FAT2: variants seen among roughly 807,000 people sequenced by gnomAD.
FAT2 encodes the protein FAT atypical cadherin 2.
FAT2 carries 150 observed loss-of-function variants against 295.3 expected under a neutral mutation model. The observed-to-expected ratio is 0.51, with a 90% CI of 0.44 to 0.58. FAT2 has a LOEUF of 0.58. FAT2 is among the 20% of genes least tolerant of loss of function. The pLI is 0.00. For synonymous variants in FAT2, 2,026 were observed against 2,150.3 expected, an observed-to-expected ratio of 0.94 and a Z score of 1.60; for missense variants, 4,868 against 5,442.7, an observed-to-expected ratio of 0.89 and a Z score of 3.32.
In FAT2 at chr5:151,545,236, T is replaced by G. The variant is rs761954303; in HGVS notation, c.5891A>C (p.Lys1964Thr). Residue 1964 changes from lysine (K) to threonine (T), a missense_variant, in exon 10 of 24, where the codon AAA becomes ACA. Around this residue, in one of 5 missense-constraint regions of FAT2, gnomAD observed 3,297 missense variants for 3,669.4 expected, o/e 0.90. Coordinates refer to ENST00000261800, the MANE Select transcript of FAT2 (RefSeq NM_001447.3). Reference protein sequence around the residue: ...VKISLTQVLDKSLQFDQDVYW... With the variant: ...VKISLTQVLDTSLQFDQDVYW... ...GACATCCTGATCAAACTGCAAGCTT[T>G]TGTCAAGCACTTGGGTCAAAGAAAT... 1 of 1,614,186 alleles carries G rather than the reference T, an allele frequency of 6.2e-7. No individual in the cohort carries two copies. Among genetic ancestry groups the G allele is most frequent in the Non-Finnish European group, 8.5e-7 (1 of 1,180,030 alleles).
At position 151,507,400 on chromosome 5, in the gene FAT2, C is replaced by A; in HGVS notation, c.12271G>T (p.Val4091Phe). 1 of 1,614,214 alleles carries A rather than the reference C, an allele frequency of 6.2e-7. No homozygotes were observed. Reference sequence around the variant, plus strand: ...GGCATGGCTTGGGTGTCAACACCAACACTCCTGGCCAGGAGGTCTGGGTCC... The same window carrying A: ...GGCATGGCTTGGGTGTCAACACCAAAACTCCTGGCCAGGAGGTCTGGGTCC... ...MEDPDLLARS[V>F]GVDTQAMPAI... Residue 4091 changes from valine (V) to phenylalanine (F), a missense_variant, in exon 23 of 24, where the codon GTT becomes TTT. By Grantham distance (50) the Val-to-Phe change is conservative (BLOSUM62 -1). Transcript: ENST00000261800.
chr5:151,586,867 G>A (rs1759191602), intron 1 of FAT2, among the ~76,000 whole-genome samples: 2 of 152,192 alleles, frequency 1.3e-5, no homozygotes, highest in Non-Finnish European at 2.9e-5. Flanking sequence ...CAGGCTGGGC[G>A]CAGTGGCCCA....
chr5:151,542,909 A>G lies in FAT2; in HGVS notation c.8218T>C (p.Phe2740Leu), dbSNP rs1450407773. 1.9e-6 allele frequency: 3 copies of G among 1,614,168 alleles called. No individual in the cohort carries two copies. The highest frequency in any genetic ancestry group is 1.7e-6 in the Non-Finnish European group (2 of 1,180,036). ...TTPESNKDGV[F>L]SLDPDTGVIK... is the part of the protein sequence containing the mutation. ...ACCCCTGTGTCTGGGTCTAGGGAGA[A>G]GACACCATCCTTGTTGCTCTCAGGT... Residue 2740 changes from phenylalanine to leucine, a missense_variant, in exon 10 of 24, where the codon TTC (phenylalanine) becomes CTC (leucine). Physicochemically the swap from Phe to Leu is conservative, Grantham distance 22. Coordinates refer to ENST00000261800, the MANE Select transcript of FAT2 (RefSeq NM_001447.3).
chr5:151,536,978 C>G (rs1755381989), intron 12 of FAT2, among the ~76,000 whole-genome samples: 1 of 152,180 alleles, frequency 6.6e-6, no homozygotes, highest in Non-Finnish European at 1.5e-5. Context: ...TATAAATTCT[C>G]CTGCCTTGAG....
At chr5:151,583,086 T>C (rs190444269) in intron 1 of FAT2, among the ~76,000 whole-genome samples, 269 of 152,296 alleles carry the variant, frequency 1.8e-3, no homozygotes, top group African/African-American at 6.2e-3. Flanking sequence ...ATCTCCTAGA[T>C]AGAGACTGAA....
At chr5:151,535,715 G>C (rs1003496295) in intron 12 of FAT2, among the ~76,000 whole-genome samples, 1 of 152,218 alleles carries the variant, frequency 6.6e-6, no homozygotes, top group Non-Finnish European at 1.5e-5. Context: ...CTGGAGGCCT[G>C]GACTTGCAAC....
rs149882446 is a variant in FAT2, at chr5:151,549,384, G to A, written c.4700C>T (p.Thr1567Ile). Reference sequence around the variant, plus strand: ...CAGCAGCTCTGTGCCGGGGGCTATGGTGTCAGGAACACTTGCCTCATAATG... The same window carrying A: ...CAGCAGCTCTGTGCCGGGGGCTATGATGTCAGGAACACTTGCCTCATAATG... ...QLHYEASVPD[T>I]IAPGTELLQV... Residue 1567 changes from threonine (T) to isoleucine (I), a missense_variant, in exon 9 of 24, where the codon ACC becomes ATC. Around this residue, in one of 5 missense-constraint regions of FAT2, gnomAD observed 3,297 missense variants for 3,669.4 expected, o/e 0.90. Coordinates refer to ENST00000261800, the MANE Select transcript of FAT2 (RefSeq NM_001447.3). 1.2e-6 allele frequency: 2 copies of A among 1,614,008 alleles called. No individual in the cohort carries two copies. Among genetic ancestry groups the A allele is most frequent in the African/African-American group, 1.3e-5 (1 of 74,910 alleles).
chr5:151,549,187 C>T, intron 9 of FAT2, 108 bp downstream of exon 9: 1 of 1,015,728 alleles, frequency 9.8e-7, no homozygotes, highest in Non-Finnish European at 1.5e-6. Flanking sequence ...TTTGCCAAGG[C>T]TTAATGAGCT....
chr5:151,522,254 C>T (rs1241015565), intron 18 of FAT2, 168 bp from the exon 19 acceptor site: 1 of 569,860 alleles, frequency 1.8e-6, no homozygotes, highest in African/African-American at 1.9e-5. Flanking sequence ...TCCAAAAGCA[C>T]TGACAGAAAA....
chr5:151,550,736 C>T lies in FAT2; in HGVS notation c.4432G>A (p.Gly1478Ser), dbSNP rs757209077. ...TGTATGGTATAGATGAGGCTTTTGC[C>T]CTTGTCTTGATCTATGGCCTGGACT... Reference protein sequence around the residue: ...LRVQAIDQDKGKSLIYTIHGS... With the variant: ...LRVQAIDQDKSKSLIYTIHGS... Residue 1478 changes from glycine (G) to serine (S), a missense_variant, in exon 8 of 24, where the codon GGC becomes AGC. Gly to Ser is a moderately conservative substitution (Grantham distance 56, BLOSUM62 0). Transcript: ENST00000261800. The T allele has an allele frequency of 1.9e-6, 3 of 1,613,974 alleles. No individual in the cohort carries two copies. Among genetic ancestry groups the T allele is most frequent in the African/African-American group, 2.7e-5 (2 of 74,878 alleles).
Position 151,542,804 on chromosome 5 carries a change from T to C in FAT2, c.8323A>G (p.Thr2775Ala). 1 of 1,614,210 alleles carries C rather than the reference T, an allele frequency of 6.2e-7. No individual in the cohort carries two copies. Among genetic ancestry groups the C allele is most frequent in the Non-Finnish European group, 8.5e-7 (1 of 1,180,040 alleles). The change falls in exon 10 of 24, where the codon ACT becomes GCT. Residue 2775 changes from threonine (T) to alanine (A), a missense_variant. Transcript: ENST00000261800. ...IDVMAHCLQN[T>A]DVVSLVSVNI... is the part of the protein sequence containing the mutation. ...ACAGAGACCAAGGACACCACATCAG[T>C]GTTCTGAAGGCAATGTGCCATCACA...
Position 151,543,579 on chromosome 5 carries a change from T to C in FAT2, c.7548A>G (p.Ile2516Met), listed in dbSNP as rs968839104. The C allele has an allele frequency of 4.3e-6, 7 of 1,614,114 alleles. No homozygotes were observed. Among genetic ancestry groups the C allele is most frequent in the Admixed American group, 1.7e-5 (1 of 60,014 alleles). Residue 2516 changes from isoleucine (I) to methionine (M), a missense_variant, in exon 10 of 24, where the codon ATA (isoleucine) becomes ATG (methionine). This residue lies in a region of FAT2 where 3,297 missense variants were observed against 3,669.4 expected (regional missense o/e 0.90). Coordinates refer to ENST00000261800, the MANE Select transcript of FAT2 (RefSeq NM_001447.3). ...CTAGTTTATTGATGATAGTATAATC[T>C]ATAGTGCCATAGGGACCACTATCTT... ...IDKDSGPYGT[I>M]DYTIINKLAS...
rs1283223291 is a variant in FAT2, at chr5:151,563,417, G to A, written c.3482C>T (p.Ala1161Val). Residue 1161 changes from alanine (A) to valine (V), a missense_variant, in exon 3 of 24, where the codon GCC becomes GTC. Transcript: ENST00000261800. The stretch of plus-strand genomic sequence containing the variant: ...TTTGGAGCTGGAGTCTGGGTCCCAG[G>A]CATCCAGTTGAAGCACAGAGGTGCC... ...PVGTSVLQLDAWDPDSSSKGK... is the reference protein window; with the variant it reads ...PVGTSVLQLDVWDPDSSSKGK... The A allele has an allele frequency of 1.2e-6, 2 of 1,614,092 alleles. No individual in the cohort carries two copies. Among genetic ancestry groups the A allele is most frequent in the Non-Finnish European group, 1.7e-6 (2 of 1,180,022 alleles).
rs373078568 is a variant in FAT2, at chr5:151,543,643, A to C, written c.7484T>G (p.Met2495Arg). The C allele has an allele frequency of 6.2e-7, 1 of 1,614,072 alleles. No homozygotes were observed. The highest frequency in any genetic ancestry group is 8.5e-7 in the Non-Finnish European group (1 of 1,180,044). The change falls in exon 10 of 24, where the codon ATG becomes AGG. Residue 2495 changes from methionine (M) to arginine (R), a missense_variant. By Grantham distance (91) the Met-to-Arg change is moderately conservative. Transcript: ENST00000261800. The stretch of plus-strand genomic sequence containing the variant: ...CAAATCAATCACCTTGGTTCCAACC[A>C]TTGCATTCTCTGCTAATTCTGCCTC... ...LYEAELAENA[M>R]VGTKVIDLLA...
chr5:151,540,952 A>G (rs1420673523), intron 10 of FAT2, among the ~76,000 whole-genome samples, 189 bp from the exon 11 acceptor site: 2 of 152,242 alleles, frequency 1.3e-5, no homozygotes, highest in Non-Finnish European at 2.9e-5. Flanking sequence ...TTCTACTTCA[A>G]ATGCCTCCTG....
chr5:151,589,994 G>A (rs186070250), intron 1 of FAT2, among the ~76,000 whole-genome samples: 145 of 152,238 alleles, frequency 9.5e-4, no homozygotes, highest in African/African-American at 3.4e-3. Context: ...GTAAGAAACC[G>A]TCCTAGGCCA....
Position 151,567,454 on chromosome 5 carries a change from A to C in FAT2, c.1478T>G (p.Val493Gly). The C allele has an allele frequency of 6.2e-7, 1 of 1,614,142 alleles. No individual in the cohort carries two copies. Among genetic ancestry groups the C allele is most frequent in the East Asian group, 2.2e-5 (1 of 44,890 alleles). Residue 493 changes from valine (V) to glycine (G), a missense_variant, in exon 2 of 24, where the codon GTC (valine) becomes GGC (glycine). Physicochemically the swap from Val to Gly is moderately radical, Grantham distance 109. Transcript: ENST00000261800. ...TTTTGGTCCAGCAATGGAATAGGTG[A>C]CATATCCATTTTCCCCATGATCCCG... is the stretch of plus-strand genomic sequence containing the variant. ...TDRDHGENGY[V>G]TYSIAGPKAL...
chr5:151,566,326 T>C lies in FAT2; in HGVS notation c.2606A>G (p.His869Arg), dbSNP rs544406337. The change falls in exon 2 of 24, where the codon CAC becomes CGC. Residue 869 changes from histidine to arginine, a missense_variant. Around this residue, in one of 5 missense-constraint regions of FAT2, gnomAD observed 3,297 missense variants for 3,669.4 expected, o/e 0.90. Coordinates refer to ENST00000261800, the MANE Select transcript of FAT2 (RefSeq NM_001447.3). ...LLSPTEKFSLHPLTGELVVTG... is the reference protein window; with the variant it reads ...LLSPTEKFSLRPLTGELVVTG... ...AACAACCAGTTCCCCAGTGAGAGGGTGGAGGGAGAACTTCTCTGTGGGACT... is the reference window on the plus strand; with the variant it reads ...AACAACCAGTTCCCCAGTGAGAGGGCGGAGGGAGAACTTCTCTGTGGGACT... 5 of 1,613,842 alleles carry C rather than the reference T, an allele frequency of 3.1e-6. No homozygotes were observed. In the South Asian group the frequency reaches 5.5e-5, roughly 18 times the overall value.
intron 15 of FAT2, among the ~76,000 whole-genome samples, chr5:151,528,731 G>A (rs1453413568): frequency 1.3e-5 from 2 of 152,094 alleles, no homozygotes; most frequent in African/African-American, 4.8e-5. Flanking sequence ...GGACAGAACT[G>A]GGTTTCACTC....
Sources: gnomAD v4.1 joint callset for allele counts (sites outside exome capture counted in the v4.1 genomes callset) on GRCh38, gnomAD v4.1.1 for gene constraint, gnomAD v4.1.1 regional missense constraint, MANE v1.5 for transcripts, NCBI Gene and HGNC (gene_info 2026-07-23, HGNC 2026-07-21) for gene names.